The following KRTAP5-1 variants were observed in gnomAD, a reference collection of about 807,000 sequenced individuals.
KRTAP5-1 encodes the protein keratin associated protein 5-1.
Under a neutral mutation model 1.1 loss-of-function variants are expected in KRTAP5-1, and 1 was observed. That is an observed-to-expected ratio of 0.90 (90% CI 0.32 to 4.26). The LOEUF is 4.26. Ranked by LOEUF, KRTAP5-1 falls within the 30% of genes most tolerant of loss-of-function variation. The pLI, the probability that KRTAP5-1 is intolerant of heterozygous loss-of-function variation, is 0.17. For synonymous variants in KRTAP5-1, 105 were observed against 141.6 expected (o/e 0.74, Z 1.84); for missense variants, 302 against 349.7 (o/e 0.86, Z 1.09).
At position 1,584,543 on chromosome 11, in the gene KRTAP5-1, T is replaced by C; in HGVS notation, c.707A>G (p.Gln236Arg). 1 of 1,613,844 alleles carries C rather than the reference T, an allele frequency of 6.2e-7. No homozygotes were observed. Among genetic ancestry groups the C allele is most frequent in the Non-Finnish European group, 8.5e-7 (1 of 1,179,928 alleles). ...GCAGCAGGGCTTACAGCAACTGCAC[T>C]GGGAGCAGGATGACCCGCAGCCTCC... ...SKGGCGSSCS[Q>R]CSCCKPCCCS... The change falls in exon 1 of 1, where the codon CAG becomes CGG. Residue 236 changes from glutamine to arginine, a missense_variant. Physicochemically the swap from Gln to Arg is conservative, Grantham distance 43 (BLOSUM62 1). Transcript: ENST00000382171.
At position 1,584,600 on chromosome 11, in the gene KRTAP5-1, C is replaced by T; in HGVS notation, c.650G>A (p.Cys217Tyr). The T allele has an allele frequency of 1.2e-6, 2 of 1,614,020 alleles. No individual in the cohort carries two copies. The highest frequency in any genetic ancestry group is 2.2e-5 in the South Asian group (2 of 91,078). Reference sequence around the variant, plus strand: ...CCCCGCGCAAGAGCCACAACTGGAACAGGAACAGCAACACACGGGCACACC... The same window carrying T: ...CCCCGCGCAAGAGCCACAACTGGAATAGGAACAGCAACACACGGGCACACC... Reference protein sequence around the residue: ...GCGVPVCCCSCSSCGSCAGSK... With the variant: ...GCGVPVCCCSYSSCGSCAGSK... The change falls in exon 1 of 1, where the codon TGT (cysteine) becomes TAT (tyrosine). Residue 217 changes from cysteine to tyrosine, a missense_variant. Cys to Tyr is a radical substitution (Grantham distance 194). Around this residue, in one of 2 missense-constraint regions of KRTAP5-1, gnomAD observed 137 missense variants for 113.9 expected, o/e 1.20. Transcript: ENST00000382171.
In KRTAP5-1 at chr11:1,584,714, G is replaced by T; in HGVS notation, c.536C>A (p.Ser179Tyr). Residue 179 changes from serine to tyrosine, a missense_variant, in exon 1 of 1, where the codon TCC (serine) becomes TAC (tyrosine). Ser to Tyr is a moderately radical substitution (Grantham distance 144). Around this residue, in one of 2 missense-constraint regions of KRTAP5-1, gnomAD observed 165 missense variants for 235.8 expected, o/e 0.70. Transcript: ENST00000382171. ...GCAGCCCCCCTTGCAGCCTCCACAG[G>T]AGCCACAGCCCCCCTTGGAGCCCCC... is the stretch of plus-strand genomic sequence containing the variant. ...SCGGSKGGCG[S>Y]CGGCKGGCGS... The T allele has an allele frequency of 6.4e-7, 1 of 1,573,974 alleles. No individual in the cohort carries two copies. Among genetic ancestry groups the T allele is most frequent in the Non-Finnish European group, 8.6e-7 (1 of 1,167,244 alleles).
At position 1,584,676 on chromosome 11, in the gene KRTAP5-1, C is replaced by T. The variant is rs753460640; in HGVS notation, c.574G>A (p.Gly192Arg). Residue 192 changes from glycine to arginine, a missense_variant, in exon 1 of 1, where the codon GGA (glycine) becomes AGA (arginine). By Grantham distance (125) the Gly-to-Arg change is moderately radical (BLOSUM62 -2). Transcript: ENST00000382171. ...CCGGAGCCACAACCCCCCTTGGATC[C>T]CCCACAAGAACCGCAGCCCCCCTTG... ...GCKGGCGSCG[G>R]SKGGCGSGCG... 1.5e-5 allele frequency: 19 copies of T among 1,238,638 alleles called. No homozygotes were observed. The Admixed American group carries it at 3.5e-4, about 23-fold the overall frequency. The allele number at this position is 1,238,638 out of a possible 1,614,324, so 76.7% of individuals were successfully genotyped here.
rs763935742 is a variant in KRTAP5-1, at chr11:1,584,616, C to T, written c.634G>A (p.Val212Met). ...CAACTGGAACAGGAACAGCAACACA[C>T]GGGCACACCGCAGCCGGAGCCACAG... ...GGCGSGCGVP[V>M]CCCSCSSCGS... The change falls in exon 1 of 1, where the codon GTG becomes ATG. Residue 212 changes from valine to methionine, a missense_variant. Coordinates refer to ENST00000382171, the MANE Select transcript of KRTAP5-1 (RefSeq NM_001005922.1). The T allele has an allele frequency of 4.8e-5, 77 of 1,613,694 alleles. No individual in the cohort carries two copies. The highest frequency in any genetic ancestry group is 8.0e-5 in the African/African-American group (6 of 74,840).
Position 1,584,776 on chromosome 11 carries a change from G to A in KRTAP5-1, c.474C>T (p.Gly158=), listed in dbSNP as rs1849122205. 2 of 1,591,668 alleles carry A rather than the reference G, an allele frequency of 1.3e-6. No homozygotes were observed. Among genetic ancestry groups the A allele is most frequent in the African/African-American group, 2.9e-5 (2 of 69,004 alleles). The change falls in exon 1 of 1, where the codon GGC becomes GGT. Residue 158 remains glycine (G), a synonymous_variant. Transcript: ENST00000382171. The part of the protein sequence containing the change: ...SCSSCGKGGC[G]SCGCSKGACG... The stretch of plus-strand genomic sequence containing the variant: ...AGGCCCCCTTGGAGCACCCACAGGA[G>A]CCACAGCCCCCTTTGCCACAGCTGG...
At position 1,585,035 on chromosome 11, in the gene KRTAP5-1, G is replaced by C. The variant is rs201819023; in HGVS notation, c.215C>G (p.Ser72Cys). The stretch of plus-strand genomic sequence containing the variant: ...GCCACAGCCCCCCTTGGAGCCCCCA[G>C]AAGAGCCACAGCCCCCTTTGCCACA... Reference protein sequence around the residue: ...SSCGKGGCGSSGGSKGGCGSC... With the variant: ...SSCGKGGCGSCGGSKGGCGSC... Residue 72 changes from serine (S) to cysteine (C), a missense_variant, in exon 1 of 1, where the codon TCT becomes TGT. By Grantham distance (112) the Ser-to-Cys change is moderately radical. This residue lies in a region of KRTAP5-1 where 165 missense variants were observed against 235.8 expected (regional missense o/e 0.70). Transcript: ENST00000382171. 77 of 1,275,792 alleles carry C rather than the reference G, an allele frequency of 6.0e-5. No homozygotes were observed. The highest frequency in any genetic ancestry group is 2.8e-4 in the African/African-American group (12 of 43,082). 79.0% of individuals were successfully genotyped at this position (1,275,792 alleles called of 1,614,324 possible).
rs1253319111 is a variant in KRTAP5-1, at chr11:1,584,413, T to G, written c.837A>C (p.Ter279CysextTer?). 6.2e-7 allele frequency: 1 copy of G among 1,613,552 alleles called. No homozygotes were observed. Among genetic ancestry groups the G allele is most frequent in the African/African-American group, 1.3e-5 (1 of 74,762 alleles). The change falls in exon 1 of 1, where the codon TGA becomes TGC. Residue 279 changes from the stop codon to cysteine, a stop_lost. Transcript: ENST00000382171. ...GGTAAGAGTCCTGCAAAGCCAGAAA[T>G]CAGATCTTGCACTGGCAGCACACGG... ...CVPVCCQCKI[*>C]
rs755020617 is a variant in KRTAP5-1, at chr11:1,584,440, G to A, written c.810C>T (p.Val270=). 2.0e-5 allele frequency: 33 copies of A among 1,613,728 alleles called. No individual in the cohort carries two copies. The highest frequency in any genetic ancestry group is 1.3e-5 in the Non-Finnish European group (15 of 1,179,910). ...AGATCTTGCACTGGCAGCACACGGG[G>A]ACACAGCAACTGGACTGGGAGCAGC... ...KPCCSQSSCC[V]PVCCQCKI is the part of the protein sequence containing the mutation. The change falls in exon 1 of 1, where the codon GTC becomes GTT. Residue 270 remains valine, a synonymous_variant. Transcript: ENST00000382171.
In KRTAP5-1 at chr11:1,584,587, G is replaced by C; in HGVS notation, c.663C>G (p.Gly221=). ...AGCCTCCCTTAGACCCCGCGCAAGA[G>C]CCACAACTGGAACAGGAACAGCAAC... is the stretch of plus-strand genomic sequence containing the variant. The part of the protein sequence containing the change: ...PVCCCSCSSC[G]SCAGSKGGCG... Residue 221 remains glycine, a synonymous_variant, in exon 1 of 1, where the codon GGC becomes GGG. Coordinates refer to ENST00000382171, the MANE Select transcript of KRTAP5-1 (RefSeq NM_001005922.1). 1 of 1,613,938 alleles carries C rather than the reference G, an allele frequency of 6.2e-7. No individual in the cohort carries two copies. Among genetic ancestry groups the C allele is most frequent in the Non-Finnish European group, 8.5e-7 (1 of 1,179,964 alleles).
Position 1,584,857 on chromosome 11 carries a change from A to C in KRTAP5-1, c.393T>G (p.Cys131Trp). The change falls in exon 1 of 1, where the codon TGT becomes TGG. Residue 131 changes from cysteine to tryptophan, a missense_variant. Around this residue, in one of 2 missense-constraint regions of KRTAP5-1, gnomAD observed 165 missense variants for 235.8 expected, o/e 0.70. Transcript: ENST00000382171. ...TGGGCTTGCAGCAGCAGACAGGCAC[A>C]CAGCAGCTGGAGCCACATCCCCCAC... is the stretch of plus-strand genomic sequence containing the variant. ...SGCGGCGSSC[C>W]VPVCCCKPMC... is the part of the protein sequence containing the mutation. 6.5e-7 allele frequency: 1 copy of C among 1,544,142 alleles called. No individual in the cohort carries two copies. The highest frequency in any genetic ancestry group is 1.2e-5 in the South Asian group (1 of 85,078).
rs767057285 is a variant in KRTAP5-1, at chr11:1,584,665, C to G, written c.585G>C (p.Gly195=). ...GGCGSCGGSK[G]GCGSGCGGCG... ...AGCCCCCACAGCCGGAGCCACAACC[C>G]CCCTTGGATCCCCCACAAGAACCGC... Residue 195 remains glycine (G), a synonymous_variant, in exon 1 of 1, where the codon GGG becomes GGC. Transcript: ENST00000382171. The G allele has an allele frequency of 6.6e-7, 1 of 1,512,186 alleles. No individual in the cohort carries two copies. The highest frequency in any genetic ancestry group is 8.9e-7 in the Non-Finnish European group (1 of 1,122,868). 93.7% of individuals were successfully genotyped at this position (1,512,186 alleles called of 1,614,324 possible).
chr11:1,584,993 T>G lies in KRTAP5-1; in HGVS notation c.257A>C (p.Lys86Thr). 2.4e-6 allele frequency: 2 copies of G among 822,168 alleles called. No individual in the cohort carries two copies. Among genetic ancestry groups the G allele is most frequent in the Non-Finnish European group, 3.3e-6 (2 of 597,560 alleles). The allele number at this position is 822,168 out of a possible 1,614,324, so 50.9% of individuals were successfully genotyped here. Residue 86 changes from lysine (K) to threonine (T), a missense_variant, in exon 1 of 1, where the codon AAG becomes ACG. By Grantham distance (78) the Lys-to-Thr change is moderately conservative (BLOSUM62 -1). This residue lies in a region of KRTAP5-1 where 165 missense variants were observed against 235.8 expected (regional missense o/e 0.70). Transcript: ENST00000382171. ...KGGCGSCGGC[K>T]GGCGSCGGSK... ...TCCCCCACAAGAGCCACAGCCCCCC[T>G]TGCAGCCTCCACAGGAGCCACAGCC...
At position 1,585,056 on chromosome 11, in the gene KRTAP5-1, C is replaced by T. The variant is rs1387833613; in HGVS notation, c.194G>A (p.Gly65Asp). The T allele has an allele frequency of 5.6e-6, 9 of 1,605,492 alleles. No individual in the cohort carries two copies. The highest frequency in any genetic ancestry group is 1.4e-5 in the African/African-American group (1 of 72,864). The change falls in exon 1 of 1, where the codon GGC (glycine) becomes GAC (aspartate). Residue 65 changes from glycine to aspartate, a missense_variant. Physicochemically the swap from Gly to Asp is moderately conservative, Grantham distance 94 (BLOSUM62 -1). This residue lies in a region of KRTAP5-1 where 165 missense variants were observed against 235.8 expected (regional missense o/e 0.70). Transcript: ENST00000382171. ...RVPTCSCSSC[G>D]KGGCGSSGGS... The stretch of plus-strand genomic sequence containing the variant: ...CCCAGAAGAGCCACAGCCCCCTTTG[C>T]CACAGCTGGAGCAGGAACAGGTTGG...
Position 1,584,812 on chromosome 11 carries a change from A to G in KRTAP5-1, c.438T>C (p.Ala146=), listed in dbSNP as rs141095388. Residue 146 remains alanine, a synonymous_variant, in exon 1 of 1, where the codon GCT becomes GCC. Transcript: ENST00000382171. ...CCKPMCCCVP[A]CSCSSCGKGG... The stretch of plus-strand genomic sequence containing the variant: ...CTTTGCCACAGCTGGAGCAGGAACA[A>G]GCTGGCACACAGCAGCACATGGGCT... 109 of 1,394,634 alleles carry G rather than the reference A, an allele frequency of 7.8e-5. No homozygotes were observed. The highest frequency in any genetic ancestry group is 2.4e-4 in the Middle Eastern group (1 of 4,096). 86.4% of individuals were successfully genotyped at this position (1,394,634 alleles called of 1,614,324 possible).
Position 1,585,140 on chromosome 11 carries a change from C to T in KRTAP5-1, c.110G>A (p.Gly37Asp). Residue 37 changes from glycine to aspartate, a missense_variant, in exon 1 of 1, where the codon GGT becomes GAT. Gly to Asp is a moderately conservative substitution (Grantham distance 94, BLOSUM62 -1). Coordinates refer to ENST00000382171, the MANE Select transcript of KRTAP5-1 (RefSeq NM_001005922.1). ...GGGCACACAGCAGCTGGAGCCAGAA[C>T]CTCCACAGCCAGAGCCACAGCCCCC... Reference protein sequence around the residue: ...GCGGCGSGCGGSGSSCCVPVC... With the variant: ...GCGGCGSGCGDSGSSCCVPVC... The T allele has an allele frequency of 6.2e-7, 1 of 1,609,752 alleles. No individual in the cohort carries two copies. Among genetic ancestry groups the T allele is most frequent in the African/African-American group, 1.4e-5 (1 of 73,916 alleles).
In KRTAP5-1 at chr11:1,584,343, G is replaced by A. The variant is rs1849107280; in HGVS notation, c.*70C>T. On this transcript the variant is annotated 3_prime_UTR_variant, in exon 1 of 1. Coordinates refer to ENST00000382171, the MANE Select transcript of KRTAP5-1 (RefSeq NM_001005922.1). Reference sequence around the variant, plus strand: ...GGGGAAGGAGAGTCTGGCTCACTGGGTGCCAGGAAAAGGAGGTAAAGGCTG... The same window carrying A: ...GGGGAAGGAGAGTCTGGCTCACTGGATGCCAGGAAAAGGAGGTAAAGGCTG... 6.5e-7 allele frequency: 1 copy of A among 1,536,244 alleles called. No individual in the cohort carries two copies. Among genetic ancestry groups the A allele is most frequent in the South Asian group, 1.2e-5 (1 of 84,872 alleles).
rs778530985 is a variant in KRTAP5-1, at chr11:1,585,226, T to A, written c.24A>T (p.Gly8=). ...AGCCCCCACAGCTGGAGCCACAGCCTCCGGAGCAGCCGCAACAGCCCATGG... is the reference window on the plus strand; with the variant it reads ...AGCCCCCACAGCTGGAGCCACAGCCACCGGAGCAGCCGCAACAGCCCATGG... MGCCGCS[G]GCGSSCGGCG... The change falls in exon 1 of 1, where the codon GGA becomes GGT. Residue 8 remains glycine, a synonymous_variant. Coordinates refer to ENST00000382171, the MANE Select transcript of KRTAP5-1 (RefSeq NM_001005922.1). The A allele has an allele frequency of 1.9e-6, 3 of 1,611,488 alleles. No homozygotes were observed. The highest frequency in any genetic ancestry group is 2.5e-6 in the Non-Finnish European group (3 of 1,179,674).
chr11:1,584,504 C>T lies in KRTAP5-1; in HGVS notation c.746G>A (p.Cys249Tyr). The change falls in exon 1 of 1, where the codon TGT (cysteine) becomes TAT (tyrosine). Residue 249 changes from cysteine (C) to tyrosine (Y), a missense_variant. Cys to Tyr is a radical substitution (Grantham distance 194). Coordinates refer to ENST00000382171, the MANE Select transcript of KRTAP5-1 (RefSeq NM_001005922.1). ...CCKPCCCSSG[C>Y]GSSCCQSSCC... ...GCTGGATTGGCAACAGGATGACCCA[C>T]AGCCTGAGGAACAGCAGCAGGGCTT... The T allele has an allele frequency of 1.2e-6, 2 of 1,614,018 alleles. No individual in the cohort carries two copies. Among genetic ancestry groups the T allele is most frequent in the Admixed American group, 1.7e-5 (1 of 60,000 alleles).
rs768344304 is a variant in KRTAP5-1 at position 1,584,987 on chromosome 11, C to G, written c.263G>C (p.Gly88Ala). The change falls in exon 1 of 1, where the codon GGC (glycine) becomes GCC (alanine). Residue 88 changes from glycine to alanine, a missense_variant. Coordinates refer to ENST00000382171, the MANE Select transcript of KRTAP5-1 (RefSeq NM_001005922.1). ...CTTGGATCCCCCACAAGAGCCACAG[C>G]CCCCCTTGCAGCCTCCACAGGAGCC... is the stretch of plus-strand genomic sequence containing the variant. ...GCGSCGGCKGGCGSCGGSKGG... is the reference protein window; with the variant it reads ...GCGSCGGCKGACGSCGGSKGG... 7 of 1,389,678 alleles carry G rather than the reference C, an allele frequency of 5.0e-6. No homozygotes were observed. Among genetic ancestry groups the G allele is most frequent in the Non-Finnish European group, 6.7e-6 (7 of 1,048,810 alleles). The allele number at this position is 1,389,678 out of a possible 1,614,324, so 86.1% of individuals were successfully genotyped here. A position where few individuals can be genotyped will look rare whatever the true frequency, so the allele number is the denominator to read the frequency against.
Sources: gnomAD v4.1 joint callset for allele counts on GRCh38, gnomAD v4.1.1 for gene constraint, gnomAD v4.1.1 regional missense constraint, MANE v1.5 for transcripts, NCBI Gene and HGNC (gene_info 2026-07-23, HGNC 2026-07-21) for gene names.